The following KIAA1217 variants were observed in gnomAD, a reference collection of about 807,000 sequenced individuals.
KIAA1217 encodes sickle tail protein homolog.
In KIAA1217, 88 loss-of-function variants were observed where a neutral mutation model predicts 163.9. The ratio of observed to expected loss-of-function variants is 0.54; its 90% CI spans 0.45 to 0.64. The LOEUF is 0.64. Among genes scored for constraint, KIAA1217 ranks in the 30% least tolerant of loss-of-function variants. The probability of loss-of-function intolerance (pLI) is 0.00; values close to 1 mark genes in which losing one functional copy is unlikely to be tolerated. For synonymous variants in KIAA1217, 903 were observed against 923.1 expected (o/e 0.98, Z 0.39); for missense variants, 2,372 against 2,475.0 (o/e 0.96, Z 0.88).
intron 1 of KIAA1217, among the ~76,000 whole-genome samples, chr10:23,811,940 C>T (rs1837079267): frequency 6.6e-6 from 1 of 152,070 alleles, no homozygotes; most frequent in Admixed American, 6.6e-5. Context: ...AACACTTAAG[C>T]TTGACGGGGT....
In KIAA1217 at chr10:23,867,480, G is replaced by A. The variant is rs559767567; in HGVS notation, c.-320-139745G>A. 1.2e-4 allele frequency among the ~76,000 whole-genome samples: 18 copies of A among 152,286 alleles called. 1 individual carries two copies. In the South Asian group the frequency reaches 3.3e-3, roughly 28 times the overall value. On this transcript the variant is annotated intron_variant, in intron 1 of 18. Coordinates refer to the KIAA1217 transcript ENST00000376462. ...ACAGTCCCATCAACAGTTTAAAAGT[G>A]TTCCTATTTCTTGACATCCTCTCCA... is the stretch of plus-strand genomic sequence containing the variant.
In KIAA1217 at chr10:24,520,105, G is replaced by T. The variant is rs201535887; in HGVS notation, c.2178-18G>T. 11 of 1,612,574 alleles carry T rather than the reference G, an allele frequency of 6.8e-6. 1 individual carries two copies. The South Asian group carries it at 1.1e-4, about 16-fold the overall frequency. ...GCCTCGTGTTCAGCTCTATGTGCTGGTGTCCTTGCTCCCGCAGCGAGTTGG... is the reference window on the plus strand; with the variant it reads ...GCCTCGTGTTCAGCTCTATGTGCTGTTGTCCTTGCTCCCGCAGCGAGTTGG... On this transcript the variant is annotated intron_variant, in intron 10 of 20. Transcript: ENST00000376454.
intron 1 of KIAA1217, among the ~76,000 whole-genome samples, chr10:23,781,881 A>T (rs868600504): frequency 2.0e-5 from 3 of 152,058 alleles, no homozygotes; most frequent in South Asian, 4.1e-4. Flanking sequence ...TTGACTATAT[A>T]TGCACGGGTT....
intron 1 of KIAA1217, among the ~76,000 whole-genome samples, chr10:23,802,427 C>A (rs1211597206): frequency 6.6e-6 from 1 of 152,204 alleles, no homozygotes; most frequent in Non-Finnish European, 1.5e-5. Context: ...AGTTTATCTA[C>A]CTTTACATGG....
At chr10:24,369,758 A>G (rs988178461) in intron 2 of KIAA1217, among the ~76,000 whole-genome samples, 1 of 152,190 alleles carries the variant, frequency 6.6e-6, no homozygotes, top group African/African-American at 2.4e-5. Flanking sequence ...CCTCACACAG[A>G]CACCTTTTAT....
intron 2 of KIAA1217, among the ~76,000 whole-genome samples, chr10:24,088,024 T>A (rs2061765571): frequency 9.1e-6 from 1 of 109,368 alleles, no homozygotes; most frequent in South Asian, 3.1e-4. Context: ...AATGAAGTAG[T>A]CCTTTCTCTG....
chr10:23,850,441 G>GA lies in KIAA1217; in HGVS notation c.-321+155213dup, dbSNP rs1290447578. Among the ~76,000 whole-genome samples, 9 of 152,136 alleles carry GA rather than the reference G, an allele frequency of 5.9e-5. No homozygotes were observed. In the South Asian group the frequency reaches 1.7e-3, roughly 28 times the overall value. On this transcript the variant is annotated intron_variant, in intron 1 of 18. Coordinates refer to the KIAA1217 transcript ENST00000376462. The stretch of plus-strand genomic sequence containing the variant: ...GCCAGCTGACAATTTCCACTGTAGG[G>GA]AAAAAACCAGATGCAGAAATGCAAA...
intron 1 of KIAA1217, among the ~76,000 whole-genome samples, chr10:23,923,627 T>C (rs1589084737): frequency 2.9e-5 from 4 of 136,472 alleles, no homozygotes; most frequent in Admixed American, 2.7e-4. Context: ...GAGGAAGGGG[T>C]TGCAAGCCAC....
intron 1 of KIAA1217, among the ~76,000 whole-genome samples, chr10:23,718,676 A>G (rs1396941641): frequency 1.3e-5 from 2 of 152,170 alleles, no homozygotes; most frequent in Non-Finnish European, 2.9e-5. Flanking sequence ...TAGTGAAAAA[A>G]CATAAGTGAT....
chr10:24,369,015 G>T (rs2051189285), intron 2 of KIAA1217, among the ~76,000 whole-genome samples: 1 of 152,166 alleles, frequency 6.6e-6, no homozygotes, highest in African/African-American at 2.4e-5. Context: ...GTTCATGGCA[G>T]GATTGGAGTC....
chr10:24,240,104 A>G (rs1396177684), intron 2 of KIAA1217, among the ~76,000 whole-genome samples: 1 of 152,168 alleles, frequency 6.6e-6, no homozygotes, highest in Non-Finnish European at 1.5e-5. Context: ...TTCGGCTGCC[A>G]GTGAGGATAA....
intron 2 of KIAA1217, among the ~76,000 whole-genome samples, chr10:24,107,221 T>A: frequency 6.7e-6 from 1 of 150,316 alleles, no homozygotes; most frequent in Non-Finnish European, 1.5e-5. Context: ...TACCTCATTC[T>A]TTTTTATGGC....
chr10:23,996,138 C>T (rs1463691460), intron 1 of KIAA1217, among the ~76,000 whole-genome samples: 1 of 152,196 alleles, frequency 6.6e-6, no homozygotes, highest in Non-Finnish European at 1.5e-5. Flanking sequence ...CTTCTAGCCT[C>T]TGCATATGCC....
intron 1 of KIAA1217, among the ~76,000 whole-genome samples, chr10:23,948,430 A>G (rs1345085701): frequency 6.6e-6 from 1 of 152,184 alleles, no homozygotes; most frequent in Non-Finnish European, 1.5e-5. Flanking sequence ...CCTCACCCAC[A>G]CCTAAAATAT....
intron 2 of KIAA1217, among the ~76,000 whole-genome samples, chr10:24,068,533 G>T (rs766965612): frequency 5.3e-5 from 8 of 151,972 alleles, no homozygotes; most frequent in African/African-American, 1.9e-4. Context: ...CATTTTCCTT[G>T]ACTCTGTTGA....
intron 2 of KIAA1217, among the ~76,000 whole-genome samples, chr10:24,143,072 C>T (rs2064156171): frequency 6.6e-6 from 1 of 152,106 alleles, no homozygotes; most frequent in Non-Finnish European, 1.5e-5. Flanking sequence ...TTACAAGGAG[C>T]AGAGAGATGT....
chr10:24,223,609 G>C (rs1339482920), intron 2 of KIAA1217, among the ~76,000 whole-genome samples: 2 of 151,958 alleles, frequency 1.3e-5, no homozygotes, highest in South Asian at 4.2e-4. Flanking sequence ...TCCTCTCAGA[G>C]AAGTATCCTT....
At chr10:24,255,426 C>G in intron 2 of KIAA1217, 1 of 400,322 alleles carries the variant, frequency 2.5e-6, no homozygotes, top group South Asian at 1.8e-5. Context: ...TCCCGCCACC[C>G]GTGGGCTCAG....
At chr10:23,867,607 A>G (rs1249879401) in intron 1 of KIAA1217, among the ~76,000 whole-genome samples, 9 of 152,134 alleles carry the variant, frequency 5.9e-5, no homozygotes, top group African/African-American at 1.7e-4. Context: ...GCCAGTGATG[A>G]TGAGCATTTT....
Sources: allele counts gnomAD v4.1 joint callset (sites outside exome capture counted in the v4.1 genomes callset), GRCh38; gene constraint gnomAD v4.1.1; transcripts MANE v1.5; gene names NCBI Gene and HGNC (gene_info 2026-07-23, HGNC 2026-07-21).